The following EMC1 variants were observed in gnomAD, a reference collection of about 807,000 sequenced individuals.
EMC1 encodes ER membrane protein complex subunit 1, also known as KIAA0090.
Under a neutral mutation model 128.8 loss-of-function variants are expected in EMC1, and 103 were observed. The ratio of observed to expected loss-of-function variants is 0.80; its 90% confidence interval spans 0.68 to 0.94. EMC1 has a LOEUF of 0.94. EMC1 is among the 40% of genes least tolerant of loss of function. The pLI, the probability that EMC1 is intolerant of heterozygous loss-of-function variation, is 0.00. For synonymous variants in EMC1, 442 were observed against 490.4 expected, an observed-to-expected ratio of 0.90 and a Z score of 1.30; for missense variants, 1,083 against 1,250.6, an observed-to-expected ratio of 0.87 and a Z score of 2.02.
Position 19,243,724 on chromosome 1 carries a change from C to T in EMC1, c.287-17G>A, listed in dbSNP as rs752650899. 11 of 1,612,982 alleles carry T rather than the reference C, an allele frequency of 6.8e-6. No individual in the cohort carries two copies. The highest frequency in any genetic ancestry group is 4.0e-5 in the African/African-American group (3 of 74,910). ...TGATCACATCTGGAAAAGAAAAGATCGTGGTGAAGTCATTTCCCACTTGCT... is the reference window on the plus strand; with the variant it reads ...TGATCACATCTGGAAAAGAAAAGATTGTGGTGAAGTCATTTCCCACTTGCT... On this transcript the variant is annotated splice_polypyrimidine_tract_variant and intron_variant, in intron 3 of 22. Coordinates refer to ENST00000477853, the MANE Select transcript of EMC1 (RefSeq NM_015047.3).
Position 19,219,205 on chromosome 1 carries a change from A to G in EMC1, c.*98T>C. On this transcript the variant is annotated 3_prime_UTR_variant, in exon 23 of 23. Transcript: ENST00000477853. ...CTACAGTTCTTAGCTGAGCACTGAC[A>G]CACACACATACTCCACCAATCCACC... 8.2e-7 allele frequency: 1 copy of G among 1,214,628 alleles called. No homozygotes were observed. The highest frequency in any genetic ancestry group is 1.5e-5 in the African/African-American group (1 of 67,380). 75.2% of individuals were successfully genotyped at this position (1,214,628 alleles called of 1,614,324 possible). A position where few individuals can be genotyped will look rare whatever the true frequency, so the allele number is the denominator to read the frequency against.
chr1:19,246,752 C>T (rs1192150750), intron 1 of EMC1, among the ~76,000 whole-genome samples: 1 of 151,766 alleles, frequency 6.6e-6, no homozygotes, highest in Non-Finnish European at 1.5e-5. Context: ...TGTACTCCGG[C>T]GTGGGTGACA....
intron 18 of EMC1, among the ~76,000 whole-genome samples, chr1:19,225,162 T>C (rs2093462819): frequency 6.6e-6 from 1 of 152,208 alleles, no homozygotes; most frequent in Non-Finnish European, 1.5e-5. Context: ...GTTTTGTCTG[T>C]TTTGCCCATT....
intron 17 of EMC1, among the ~76,000 whole-genome samples, chr1:19,230,375 C>A (rs984121940): frequency 3.3e-5 from 5 of 151,574 alleles, no homozygotes; most frequent in Non-Finnish European, 4.4e-5. Context: ...TTGAGACCAT[C>A]CTGGCCAACA....
At chr1:19,245,614 G>T (rs1187724304) in intron 1 of EMC1, among the ~76,000 whole-genome samples, 6 of 133,896 alleles carry the variant, frequency 4.5e-5, no homozygotes, top group Non-Finnish European at 9.3e-5. Context: ...ACCCAAAAGG[G>T]CACCTTACCT....
intron 1 of EMC1, among the ~76,000 whole-genome samples, chr1:19,250,713 G>C (rs1209710370): frequency 6.6e-6 from 1 of 152,206 alleles, no homozygotes; most frequent in South Asian, 2.1e-4. Context: ...ATTCTCACAA[G>C]TACTGTAAGA....
intron 13 of EMC1, among the ~76,000 whole-genome samples, chr1:19,234,708 T>C (rs376364641): frequency 6.6e-6 from 1 of 152,144 alleles, no homozygotes. Context: ...TAACCGGGCA[T>C]GGTGGCGCAT....
chr1:19,236,036 G>A (rs2093560936), intron 12 of EMC1, among the ~76,000 whole-genome samples: 1 of 151,294 alleles, frequency 6.6e-6, no homozygotes, highest in South Asian at 2.1e-4. Flanking sequence ...TAGGTCAAAG[G>A]AGGAAAGTTC....
chr1:19,238,033 C>A lies in EMC1; in HGVS notation c.1196G>T (p.Gly399Val). 6.2e-7 allele frequency: 1 copy of A among 1,613,760 alleles called. No homozygotes were observed. The highest frequency in any genetic ancestry group is 8.5e-7 in the Non-Finnish European group (1 of 1,179,872). Residue 399 changes from glycine to valine, a missense_variant, in exon 11 of 23, where the codon GGC becomes GTC. Physicochemically the swap from Gly to Val is moderately radical, Grantham distance 109. This residue lies in a region of EMC1 where 544 missense variants were observed against 572.4 expected (regional missense o/e 0.95). Transcript: ENST00000477853. ...CTGCCTTACCCGCTCAGGCCGAGTGCCGCTCTGTTCCAGGCTAAATGTTAT... is the reference window on the plus strand; with the variant it reads ...CTGCCTTACCCGCTCAGGCCGAGTGACGCTCTGTTCCAGGCTAAATGTTAT... ...TTITFSLEQS[G>V]TRPERLYIQV...
In EMC1 at chr1:19,232,949, G is replaced by A. The variant is rs2093535138; in HGVS notation, c.1619C>T (p.Thr540Ile). Residue 540 changes from threonine to isoleucine, a missense_variant, in exon 14 of 23, where the codon ACA (threonine) becomes ATA (isoleucine). Coordinates refer to ENST00000477853, the MANE Select transcript of EMC1 (RefSeq NM_015047.3). ...FNLQKMMVMV[T>I]ASGKLFGIES... ...AACCCCACTCACCTTGCCTGAGGCT[G>A]TTACCATCACCATCATCTTCTGGAG... is the stretch of plus-strand genomic sequence containing the variant. 3.7e-6 allele frequency: 6 copies of A among 1,614,102 alleles called. No individual in the cohort carries two copies. The highest frequency in any genetic ancestry group is 5.1e-6 in the Non-Finnish European group (6 of 1,179,938).
chr1:19,226,467 TA>T (rs887594306), intron 18 of EMC1, among the ~76,000 whole-genome samples: 1 of 151,652 alleles, frequency 6.6e-6, no homozygotes, highest in African/African-American at 2.4e-5. Context: ...AATAAAAAAT[TA>T]AAAAAAAATT....
intron 6 of EMC1, 112 bp downstream of exon 6, chr1:19,240,904 A>G (rs781749799): frequency 1.9e-5 from 23 of 1,225,626 alleles, no homozygotes; most frequent in South Asian, 9.9e-5. Flanking sequence ...ATGAGGGAGC[A>G]TAAGTAGCTT....
chr1:19,239,553 A>G lies in EMC1; in HGVS notation c.955-251T>C, dbSNP rs541805170. Reference sequence around the variant, plus strand: ...CCCATGCTGCTTGTTCTTACTATCTATGGGGAAGCTCTCATTTATGTCCCC... The same window carrying G: ...CCCATGCTGCTTGTTCTTACTATCTGTGGGGAAGCTCTCATTTATGTCCCC... On this transcript the variant is annotated intron_variant, in intron 8 of 22. Transcript: ENST00000477853. 17 of 584,902 alleles carry G rather than the reference A, an allele frequency of 2.9e-5. No individual in the cohort carries two copies. The South Asian group carries it at 3.3e-4, about 11-fold the overall frequency. The allele number at this position is 584,902 out of a possible 1,614,324, so 36.2% of individuals were successfully genotyped here. A position where few individuals can be genotyped will look rare whatever the true frequency, so the allele number is the denominator to read the frequency against.
intron 4 of EMC1, among the ~76,000 whole-genome samples, chr1:19,243,157 C>T (rs1188215156): frequency 6.6e-6 from 1 of 152,146 alleles, no homozygotes; most frequent in Non-Finnish European, 1.5e-5. Context: ...ACTGCTTGAA[C>T]CTGGGAGGTG....
At chr1:19,233,977 GCTTAT>G (rs1306975312) in intron 13 of EMC1, among the ~76,000 whole-genome samples, 2 of 152,154 alleles carry the variant, frequency 1.3e-5, no homozygotes, top group African/African-American at 4.8e-5. Flanking sequence ...CAGAACCTCT[GCTTAT>G]CTTATTTTCC....
In EMC1 at chr1:19,225,241, G is replaced by A. The variant is rs57024786; in HGVS notation, c.2203-1672C>T. The stretch of plus-strand genomic sequence containing the variant: ...TCAAAAACTGCTTGCTGCTGGCCGG[G>A]TGCGGTGGCTCATGCCTGTAATCCT... On this transcript the variant is annotated intron_variant, in intron 18 of 22. Transcript: ENST00000477853. Among the ~76,000 whole-genome samples the A allele has an allele frequency of 1.0e-3, 153 of 152,332 alleles. 1 individual carries two copies. Among genetic ancestry groups the A allele is most frequent in the African/African-American group, 3.6e-3 (148 of 41,574 alleles).
chr1:19,221,616 A>G (rs2093431891), intron 20 of EMC1: 1 of 149,354 alleles, frequency 6.7e-6, no homozygotes, highest in Non-Finnish European at 1.5e-5. Context: ...AGCCTGGGTG[A>G]CAGAGCAAGA....
intron 2 of EMC1, among the ~76,000 whole-genome samples, chr1:19,244,344 G>A (rs959773801): frequency 2.0e-5 from 3 of 152,108 alleles, no homozygotes; most frequent in Non-Finnish European, 2.9e-5. Context: ...AAAAACATCC[G>A]GCCAGTGTAG....
intron 10 of EMC1, 136 bp from the exon 11 acceptor site, chr1:19,238,275 A>T: frequency 1.1e-6 from 1 of 951,844 alleles, no homozygotes. Flanking sequence ...AAAGGAGAAT[A>T]AAAGAGAAAA....
Sources: allele counts gnomAD v4.1 joint callset (sites outside exome capture counted in the v4.1 genomes callset), GRCh38; gene constraint gnomAD v4.1.1; regional missense constraint gnomAD v4.1.1; transcripts MANE v1.5; gene names NCBI Gene and HGNC (gene_info 2026-07-23, HGNC 2026-07-21).